SLC28A1: variants seen among roughly 807,000 people sequenced by gnomAD.
The protein encoded by SLC28A1 is sodium/nucleoside cotransporter 1.
Under a neutral mutation model 74.8 loss-of-function variants are expected in SLC28A1, and 64 were observed. The ratio of observed to expected loss-of-function variants is 0.86; its 90% CI spans 0.70 to 1.05. The LOEUF (loss-of-function observed/expected upper bound fraction) is 1.05. SLC28A1 is among the 50% of genes least tolerant of loss of function. The pLI, the probability that SLC28A1 is intolerant of heterozygous loss-of-function variation, is 0.00. For synonymous variants in SLC28A1, 359 were observed against 335.0 expected (o/e 1.07, Z -0.78); for missense variants, 828 against 822.8 (o/e 1.01, Z -0.08).
At chr15:84,887,938 C>T (rs944289294) in intron 3 of SLC28A1, 82 bp downstream of exon 3, 2 of 977,326 alleles carry the variant, frequency 2.0e-6, no homozygotes, top group Admixed American at 1.7e-5. Context: ...GAGGCTTTTG[C>T]TCACCACCTT....
chr15:84,972,693 A>T, the SLC28A1 span, among the ~76,000 whole-genome samples: 1 of 151,868 alleles, frequency 6.6e-6, no homozygotes, highest in African/African-American at 2.4e-5. Context: ...TTTTACTAAG[A>T]CTCCTTTGGA....
chr15:84,933,352 C>G, intron 13 of SLC28A1, 77 bp downstream of exon 13: 1 of 1,520,168 alleles, frequency 6.6e-7, no homozygotes, highest in Non-Finnish European at 9.0e-7. Flanking sequence ...CCCGTTCTCT[C>G]TGTCCATCAC....
At chr15:84,905,459 C>T in intron 7 of SLC28A1, 80 bp from the exon 8 acceptor site, 2 of 962,344 alleles carry the variant, frequency 2.1e-6, no homozygotes, top group South Asian at 1.3e-5. Flanking sequence ...CAGGGCAATG[C>T]CCCCTGCTCT....
chr15:84,903,809 C>A (rs1282748400), intron 6 of SLC28A1, among the ~76,000 whole-genome samples: 1 of 152,150 alleles, frequency 6.6e-6, no homozygotes, highest in Non-Finnish European at 1.5e-5. Flanking sequence ...GTACATATAT[C>A]CCCTTATATA....
Position 84,945,110 on chromosome 15 carries a change from T to C in SLC28A1, c.1875-15T>C. The C allele has an allele frequency of 6.2e-7, 1 of 1,613,784 alleles. No homozygotes were observed. The highest frequency in any genetic ancestry group is 8.5e-7 in the Non-Finnish European group (1 of 1,179,742). On this transcript the variant is annotated splice_polypyrimidine_tract_variant and intron_variant, in intron 18 of 18. Transcript: ENST00000394573. ...AGGCCTGGAGCTCCCACTGCGATCT[T>C]TGCTTTCTTTTTAGCGTCAATCCAG...
chr15:84,904,008 C>T, intron 6 of SLC28A1, 89 bp from the exon 7 acceptor site: 1 of 1,574,280 alleles, frequency 6.4e-7, no homozygotes, highest in African/African-American at 1.3e-5. Flanking sequence ...GCCCTGAGCA[C>T]CCTTTCTCTG....
the SLC28A1 span, among the ~76,000 whole-genome samples, chr15:84,957,275 T>G: frequency 3.9e-5 from 6 of 152,200 alleles, no homozygotes; most frequent in African/African-American, 1.4e-4. Flanking sequence ...TTTGTTTTGT[T>G]TTGTTTTTTG....
At chr15:84,946,105 TATATATA>T (rs1567196417), downstream of SLC28A1, among the ~76,000 whole-genome samples, 2 of 37,818 alleles carry the variant, frequency 5.3e-5, no homozygotes, top group African/African-American at 1.7e-4. Flanking sequence ...TATATATATA[TATATATA>T]TTTTTTTTTT....
In SLC28A1 at chr15:84,927,390, G is replaced by A. The variant is rs567137390; in HGVS notation, c.1083+3280G>A. On this transcript the variant is annotated intron_variant, in intron 12 of 18. Coordinates refer to ENST00000394573, the MANE Select transcript of SLC28A1 (RefSeq NM_004213.5). ...TTTACGCTCAGGTTCAACAAAGTAT[G>A]GATAGCCACATAGAAATAGAATTGG... Among the ~76,000 whole-genome samples the A allele has an allele frequency of 7.9e-5, 12 of 152,304 alleles. No individual in the cohort carries two copies. In the East Asian group the frequency reaches 2.1e-3, roughly 27 times the overall value.
At chr15:84,932,397 C>G (rs1407804365) in intron 12 of SLC28A1, among the ~76,000 whole-genome samples, 2 of 152,142 alleles carry the variant, frequency 1.3e-5, no homozygotes, top group Non-Finnish European at 2.9e-5. Context: ...GGGAGAATCC[C>G]AGGGGCTGAC....
rs768258991 is a variant in SLC28A1, at chr15:84,944,842, C to T, written c.1849C>T (p.Gln617Ter). Reference sequence around the variant, plus strand: ...CAGCAGCAGTAGCTTTGAGATTTACCAGTGCTGCCGTGAGGCCTTCCAGAG... The same window carrying T: ...CAGCAGCAGTAGCTTTGAGATTTACTAGTGCTGCCGTGAGGCCTTCCAGAG... Reference protein sequence around the residue: ...TLSSSSFEIYQCCREAFQSVN... With the variant: ...TLSSSSFEIY Residue 617 changes from glutamine (Q) to a stop codon, truncating the protein, a stop_gained, in exon 18 of 19, where the codon CAG (glutamine) becomes TAG (stop). Coordinates refer to ENST00000394573, the MANE Select transcript of SLC28A1 (RefSeq NM_004213.5). LOFTEE classifies it low-confidence loss of function (END_TRUNC). The T allele has an allele frequency of 6.2e-7, 1 of 1,613,532 alleles. No individual in the cohort carries two copies. The highest frequency in any genetic ancestry group is 1.3e-5 in the African/African-American group (1 of 74,926).
the SLC28A1 span, among the ~76,000 whole-genome samples, chr15:84,960,071 A>C: frequency 1.3e-5 from 2 of 152,166 alleles, no homozygotes; most frequent in African/African-American, 4.8e-5. Flanking sequence ...AGAATCTTCC[A>C]GTCTCCTGCC....
intron 5 of SLC28A1, among the ~76,000 whole-genome samples, chr15:84,893,827 C>A (rs538811501): frequency 6.6e-6 from 1 of 152,326 alleles, no homozygotes; most frequent in East Asian, 1.9e-4. Context: ...TCTCTGCAGT[C>A]CTGGGACCTC....
At chr15:84,912,809 C>G (rs1346996971) in intron 9 of SLC28A1, among the ~76,000 whole-genome samples, 1 of 56,584 alleles carries the variant, frequency 1.8e-5, no homozygotes. Flanking sequence ...CGCGCGCGCA[C>G]ACACACACAC....
intron 7 of SLC28A1, among the ~76,000 whole-genome samples, 172 bp from the exon 8 acceptor site, chr15:84,905,367 T>C (rs933295656): frequency 5.3e-5 from 8 of 152,172 alleles, no homozygotes; most frequent in Non-Finnish European, 1.2e-4. Context: ...ACCAAGCACA[T>C]GGCCTGTTCT....
the SLC28A1 span, among the ~76,000 whole-genome samples, chr15:84,970,910 T>C: frequency 3.9e-5 from 6 of 152,024 alleles, no homozygotes; most frequent in Non-Finnish European, 7.4e-5. Context: ...CAGTCTGAGA[T>C]GTAATTTTCA....
chr15:84,946,931 C>T (rs2079252947), downstream of SLC28A1, among the ~76,000 whole-genome samples: 1 of 152,220 alleles, frequency 6.6e-6, no homozygotes. Flanking sequence ...CTGCTGGGGC[C>T]CTACACCCTC....
Position 84,915,952 on chromosome 15 carries a change from G to GTTC in SLC28A1, c.796-2563_796-2561dup, listed in dbSNP as rs1279375308. On this transcript the variant is annotated intron_variant, in intron 9 of 18. Transcript: ENST00000394573. ...ACCTGTTGTTGTTGTTGTTGTTGTT[G>GTTC]TTCTTCTTCTTATTATTATTATTAT... 1.3e-4 allele frequency among the ~76,000 whole-genome samples: 19 copies of GTTC among 149,944 alleles called. 1 individual carries two copies. In the South Asian group the frequency reaches 1.7e-3, roughly 14 times the overall value.
intron 12 of SLC28A1, among the ~76,000 whole-genome samples, chr15:84,925,067 GTTTT>G (rs964017770): frequency 5.9e-5 from 5 of 84,148 alleles, no homozygotes; most frequent in Middle Eastern, 8.1e-3. Context: ...CGCCCAGCTA[GTTTT>G]TTTTTTTTTT....
Sources: gnomAD v4.1 joint callset for allele counts (sites outside exome capture counted in the v4.1 genomes callset) on GRCh38, gnomAD v4.1.1 for gene constraint, MANE v1.5 for transcripts, NCBI Gene and HGNC (gene_info 2026-07-23, HGNC 2026-07-21) for gene names.